C6: variants seen among roughly 807,000 people sequenced by gnomAD.
C6 encodes complement component C6.
Under a neutral mutation model 112.9 loss-of-function variants are expected in C6, and 101 were observed. The ratio of observed to expected loss-of-function variants is 0.89; its 90% CI spans 0.76 to 1.06. The LOEUF (loss-of-function observed/expected upper bound fraction) is 1.06. Among genes scored for constraint, C6 ranks in the 50% least tolerant of loss-of-function variants. C6 has a pLI of 0.00. For missense variants in C6, 1,202 were observed against 1,104.6 expected, an observed-to-expected ratio of 1.09 and a Z score of -1.25; for synonymous variants, 431 against 384.1, an observed-to-expected ratio of 1.12 and a Z score of -1.43.
intron 1 of C6, among the ~76,000 whole-genome samples, chr5:41,234,374 T>TC (rs1740118472): frequency 6.6e-6 from 1 of 151,324 alleles, no homozygotes; most frequent in African/African-American, 2.4e-5. Context: ...GTTTTTTTTT[T>TC]TTGCTTGGAA....
At position 41,161,773 on chromosome 5, in the gene C6, C is replaced by T. The variant is rs191044606; in HGVS notation, c.1378G>A (p.Gly460Arg). The change falls in exon 10 of 18, where the codon GGG (glycine) becomes AGG (arginine). Residue 460 changes from glycine to arginine, a missense_variant. Coordinates refer to ENST00000337836, the MANE Select transcript of C6 (RefSeq NM_000065.5). Reference protein sequence around the residue: ...EYGAALAWEKGSSGLEEKTFS... With the variant: ...EYGAALAWEKRSSGLEEKTFS... Reference sequence around the variant, plus strand: ...GTCTTCTCCTCCAGACCAGAGCTCCCTTTCTCCCATGCCAAAGCTGCTCCA... The same window carrying T: ...GTCTTCTCCTCCAGACCAGAGCTCCTTTTCTCCCATGCCAAAGCTGCTCCA... 2 of 1,613,600 alleles carry T rather than the reference C, an allele frequency of 1.2e-6. No individual in the cohort carries two copies. The highest frequency in any genetic ancestry group is 1.7e-5 in the Admixed American group (1 of 59,962).
At chr5:41,173,654 G>A (rs771587796) in intron 8 of C6, among the ~76,000 whole-genome samples, 12 of 152,088 alleles carry the variant, frequency 7.9e-5, no homozygotes, top group Non-Finnish European at 1.6e-4. Context: ...GGTCATAATA[G>A]CAGGGATGGG....
chr5:41,243,243 A>G (rs558025304), intron 1 of C6, among the ~76,000 whole-genome samples: 1 of 152,342 alleles, frequency 6.6e-6, no homozygotes, highest in Non-Finnish European at 1.5e-5. Flanking sequence ...CATTGTATTC[A>G]TAAATCATAA....
chr5:41,223,159 T>A (rs79322774), intron 1 of C6, among the ~76,000 whole-genome samples: 1 of 152,150 alleles, frequency 6.6e-6, no homozygotes, highest in Non-Finnish European at 1.5e-5. Context: ...GTTTCTCCTA[T>A]AACTAACATT....
At chr5:41,154,245 T>C (rs539445218) in intron 14 of C6, among the ~76,000 whole-genome samples, 5 of 152,296 alleles carry the variant, frequency 3.3e-5, no homozygotes, top group Non-Finnish European at 7.4e-5. Flanking sequence ...TCCAGACACA[T>C]CCAACTTTTA....
intron 5 of C6, among the ~76,000 whole-genome samples, chr5:41,187,509 G>C (rs1028334068): frequency 8.5e-5 from 13 of 152,126 alleles, no homozygotes; most frequent in Non-Finnish European, 1.2e-4. Flanking sequence ...ATTTAAAGCA[G>C]AAAATTCGAC....
chr5:41,256,253 G>T (rs1433093757), intron 1 of C6, among the ~76,000 whole-genome samples: 1 of 151,970 alleles, frequency 6.6e-6, no homozygotes, highest in East Asian at 1.9e-4. Context: ...AAACATACGT[G>T]TGCATGTGTC....
At chr5:41,192,866 T>A (rs1370724294) in intron 5 of C6, among the ~76,000 whole-genome samples, 3 of 151,944 alleles carry the variant, frequency 2.0e-5, no homozygotes, top group Non-Finnish European at 2.9e-5. Context: ...GGGTTAGGAG[T>A]CAGGTAGAAG....
intron 5 of C6, among the ~76,000 whole-genome samples, chr5:41,187,884 A>G (rs1220412993): frequency 2.0e-5 from 3 of 152,294 alleles, no homozygotes; most frequent in Middle Eastern, 3.4e-3. Flanking sequence ...CAGGGAAAGT[A>G]TATTTTAATT....
chr5:41,153,685 A>G lies in C6; in HGVS notation c.2290+125T>C, dbSNP rs115037239. On this transcript the variant is annotated intron_variant, in intron 15 of 17. Coordinates refer to ENST00000337836, the MANE Select transcript of C6 (RefSeq NM_000065.5). Reference sequence around the variant, plus strand: ...ATTGCATAGTTCCGGTTTGACCCACACTGTCTAAACTTGCATCTTTTTTAG... The same window carrying G: ...ATTGCATAGTTCCGGTTTGACCCACGCTGTCTAAACTTGCATCTTTTTTAG... 2,546 of 729,054 alleles carry G rather than the reference A, an allele frequency of 3.5e-3. 39 individuals carry two copies. The African/African-American group carries it at 0.041, about 12-fold the overall frequency. 45.2% of individuals were successfully genotyped at this position (729,054 alleles called of 1,614,324 possible).
At chr5:41,161,629 T>A in intron 10 of C6, 64 bp downstream of exon 10, 1 of 1,229,728 alleles carries the variant, frequency 8.1e-7, no homozygotes, top group Non-Finnish European at 1.2e-6. Context: ...AATTGTGTGA[T>A]GTGCAATTTG....
intron 5 of C6, among the ~76,000 whole-genome samples, chr5:41,190,805 C>A (rs894811358): frequency 1.3e-5 from 2 of 152,112 alleles, no homozygotes; most frequent in African/African-American, 4.8e-5. Flanking sequence ...GGTCCAGTTT[C>A]ATTCTTCTGC....
At chr5:41,210,480 C>T (rs1234056741) in intron 1 of C6, among the ~76,000 whole-genome samples, 1 of 152,108 alleles carries the variant, frequency 6.6e-6, no homozygotes, top group African/African-American at 2.4e-5. Flanking sequence ...CGACAAAGGG[C>T]TAATATCCAG....
intron 3 of C6, 112 bp downstream of exon 3, chr5:41,201,446 G>A: frequency 2.8e-6 from 3 of 1,081,080 alleles, no homozygotes; most frequent in South Asian, 1.3e-5. Flanking sequence ...AGCTGAGACA[G>A]TTGATTTTCA....
intron 17 of C6, among the ~76,000 whole-genome samples, chr5:41,148,422 C>G (rs762948117): frequency 6.6e-6 from 1 of 152,164 alleles, no homozygotes; most frequent in African/African-American, 2.4e-5. Context: ...CTGAAATGTT[C>G]AAGACCCAGG....
intron 9 of C6, among the ~76,000 whole-genome samples, chr5:41,166,617 G>A (rs930154743): frequency 2.6e-5 from 4 of 152,084 alleles, no homozygotes; most frequent in African/African-American, 7.2e-5. Context: ...TAAAGACCAT[G>A]TCACTGTCCT....
chr5:41,257,455 A>G (rs770436117), intron 1 of C6, among the ~76,000 whole-genome samples: 2 of 152,014 alleles, frequency 1.3e-5, no homozygotes, highest in Non-Finnish European at 2.9e-5. Context: ...ATGTCTTGCT[A>G]TTGTGAATAG....
intron 9 of C6, among the ~76,000 whole-genome samples, chr5:41,169,765 C>T (rs1397817613): frequency 5.9e-5 from 9 of 152,090 alleles, no homozygotes; most frequent in African/African-American, 2.2e-4. Flanking sequence ...ACGAGAACAG[C>T]AGGGAGGAAT....
intron 1 of C6, among the ~76,000 whole-genome samples, chr5:41,253,054 TC>T (rs1741463380): frequency 1.3e-5 from 2 of 152,346 alleles, no homozygotes; most frequent in South Asian, 4.1e-4. Context: ...AGAATAAACT[TC>T]TTCAAATATT....
Sources: gnomAD v4.1 joint callset for allele counts (sites outside exome capture counted in the v4.1 genomes callset) on GRCh38, gnomAD v4.1.1 for gene constraint, MANE v1.5 for transcripts, NCBI Gene and HGNC (gene_info 2026-07-23, HGNC 2026-07-21) for gene names.